POLN: variants seen among roughly 807,000 people sequenced by gnomAD.
The protein encoded by POLN is DNA polymerase nu.
In POLN, 108 loss-of-function variants were observed where a neutral mutation model predicts 113.5. The ratio of observed to expected loss-of-function variants is 0.95; its 90% confidence interval spans 0.81 to 1.12. The LOEUF (loss-of-function observed/expected upper bound fraction) is 1.12, where lower values mean the gene tolerates loss of function less well. POLN is among the 50% of genes most tolerant of loss of function. The pLI is 0.00. For missense variants in POLN, 1,097 were observed against 1,077.1 expected, an observed-to-expected ratio of 1.02 and a Z score of -0.26; for synonymous variants, 386 against 391.5, an observed-to-expected ratio of 0.99 and a Z score of 0.17.
chr4:2,195,032 A>G (rs1355711457), intron 6 of POLN, among the ~76,000 whole-genome samples: 1 of 152,182 alleles, frequency 6.6e-6, no homozygotes, highest in African/African-American at 2.4e-5. Flanking sequence ...ACGTACAGAG[A>G]GAATGTGAAG....
rs561212060 is a variant in POLN at position 2,151,166 on chromosome 4, G to A, written c.1731+5622C>T. ...TTAAAATACGCAGAAGGTATGACTA[G>A]GTGCTTCACTGAAAAAGAAAAATGA... On this transcript the variant is annotated intron_variant, in intron 16 of 25. Coordinates refer to ENST00000511885, the MANE Select transcript of POLN (RefSeq NM_181808.4). Among the ~76,000 whole-genome samples, 5 of 152,286 alleles carry A rather than the reference G, an allele frequency of 3.3e-5. No homozygotes were observed. The East Asian group carries it at 9.6e-4, about 29-fold the overall frequency.
intron 13 of POLN, among the ~76,000 whole-genome samples, chr4:2,167,757 G>A (rs557504574): frequency 1.3e-5 from 2 of 152,142 alleles, no homozygotes; most frequent in African/African-American, 4.8e-5. Context: ...AAATTAGCTG[G>A]GTGTGGTGGC....
chr4:2,159,361 T>C (rs2108741423), intron 13 of POLN, 150 bp from the exon 14 acceptor site: 4 of 672,720 alleles, frequency 5.9e-6, no homozygotes, highest in Non-Finnish European at 1.0e-5. Flanking sequence ...GTTTATCAAG[T>C]GTCTTAATCC....
At chr4:2,099,183 T>G (rs1730866636) in intron 19 of POLN, among the ~76,000 whole-genome samples, 1 of 152,238 alleles carries the variant, frequency 6.6e-6, no homozygotes, top group South Asian at 2.1e-4. Flanking sequence ...ACCCTGTTCT[T>G]AAGAAGACAA....
chr4:2,232,008 T>TAAA, intron 2 of POLN: 1 of 1,507,596 alleles, frequency 6.6e-7, no homozygotes, highest in Non-Finnish European at 9.2e-7. Flanking sequence ...CTTCATCTTT[T>TAAA]AAAAAATATA....
intron 3 of POLN, among the ~76,000 whole-genome samples, chr4:2,222,826 T>G (rs1450922949): frequency 6.6e-6 from 1 of 151,418 alleles, no homozygotes; most frequent in Non-Finnish European, 1.5e-5. Context: ...CTGCTCCCAC[T>G]AGTAAGCCAG....
intron 20 of POLN, chr4:2,088,636 T>C (rs1730601073): frequency 1.5e-6 from 1 of 652,572 alleles, no homozygotes; most frequent in Non-Finnish European, 2.2e-6. Context: ...TTGAATCCCA[T>C]AATATAAAGT....
chr4:2,096,113 C>T (rs1363947711), intron 19 of POLN, among the ~76,000 whole-genome samples, 180 bp from the exon 20 acceptor site: 1 of 152,208 alleles, frequency 6.6e-6, no homozygotes, highest in Non-Finnish European at 1.5e-5. Flanking sequence ...GCAAGGGCCC[C>T]AGGCAGATGC....
At chr4:2,208,584 T>C (rs184254915) in intron 4 of POLN, 97 bp from the exon 5 acceptor site, 4 of 986,774 alleles carry the variant, frequency 4.1e-6, no homozygotes, top group East Asian at 5.3e-5. Context: ...TAAGGTAATA[T>C]GGAGACACAA....
intron 20 of POLN, among the ~76,000 whole-genome samples, chr4:2,094,699 C>CT (rs1336246765): frequency 6.6e-6 from 1 of 152,104 alleles, no homozygotes; most frequent in Non-Finnish European, 1.5e-5. Flanking sequence ...GTGCAAAGCT[C>CT]TGAGGTTGGA....
chr4:2,133,010 T>A (rs894591091), intron 16 of POLN, among the ~76,000 whole-genome samples: 1 of 152,128 alleles, frequency 6.6e-6, no homozygotes, highest in South Asian at 2.1e-4. Flanking sequence ...ATATGAAATA[T>A]AAAAATAGCT....
intron 19 of POLN, among the ~76,000 whole-genome samples, chr4:2,124,356 A>G (rs1731524737): frequency 6.6e-6 from 1 of 152,100 alleles, no homozygotes; most frequent in Admixed American, 6.5e-5. Context: ...TGCAGCCTCA[A>G]CCTGGGCTCA....
At chr4:2,139,886 A>G (rs1311555779) in intron 16 of POLN, 2 of 34,446 alleles carry the variant, frequency 5.8e-5, no homozygotes, top group Non-Finnish European at 2.4e-4. Flanking sequence ...TCAGGAAAGA[A>G]AGGCAGAGCT....
intron 19 of POLN, 47 bp from the exon 20 acceptor site, chr4:2,095,980 C>T: frequency 6.6e-7 from 1 of 1,515,900 alleles, no homozygotes; most frequent in Non-Finnish European, 9.2e-7. Flanking sequence ...AAGGCACTGT[C>T]AGTGCAGGGC....
At position 2,078,510 on chromosome 4, in the gene POLN, G is replaced by A. The variant is rs149962435; in HGVS notation, c.2387+2448C>T. 3.9e-4 allele frequency: 292 copies of A among 753,458 alleles called. 1 individual carries two copies. In the African/African-American group the frequency reaches 4.9e-3, roughly 13 times the overall value. 46.7% of individuals were successfully genotyped at this position (753,458 alleles called of 1,614,324 possible). Reference sequence around the variant, plus strand: ...TTTTGTTAGACAGACTCTCGCTCTCGCCCAGGCTGGAGTGAAGTGGTGCGA... The same window carrying A: ...TTTTGTTAGACAGACTCTCGCTCTCACCCAGGCTGGAGTGAAGTGGTGCGA... On this transcript the variant is annotated intron_variant, in intron 23 of 25. Coordinates refer to ENST00000511885, the MANE Select transcript of POLN (RefSeq NM_181808.4).
At position 2,113,839 on chromosome 4, in the gene POLN, C is replaced by T. The variant is rs1026043765; in HGVS notation, c.1982+14274G>A. Among the ~76,000 whole-genome samples the T allele has an allele frequency of 2.0e-5, 3 of 148,826 alleles. No homozygotes were observed. In the Admixed American group the frequency reaches 2.0e-4, roughly 10 times the overall value. On this transcript the variant is annotated intron_variant, in intron 19 of 25. Coordinates refer to ENST00000511885, the MANE Select transcript of POLN (RefSeq NM_181808.4). ...TGCCTTTGCGTGCTGGCCTGGGTGA[C>T]AGAGCAAGACTCCATTTCAAAATAA...
intron 21 of POLN, among the ~76,000 whole-genome samples, chr4:2,085,364 A>C (rs1730520976): frequency 6.6e-6 from 1 of 152,010 alleles, no homozygotes; most frequent in African/African-American, 2.4e-5. Flanking sequence ...ATCTGTTTTT[A>C]CCTATCTGCC....
At chr4:2,120,967 T>G (rs886273569) in intron 19 of POLN, among the ~76,000 whole-genome samples, 4 of 152,240 alleles carry the variant, frequency 2.6e-5, no homozygotes, top group South Asian at 2.1e-4. Context: ...GTCTGTTCCT[T>G]GGGATTTTGC....
At chr4:2,196,894 T>C (rs961691420) in intron 6 of POLN, among the ~76,000 whole-genome samples, 1 of 152,112 alleles carries the variant, frequency 6.6e-6, no homozygotes, top group Non-Finnish European at 1.5e-5. Flanking sequence ...TTTGGGAGAA[T>C]GCTGCAGGGA....
Sources: gnomAD v4.1 joint callset for allele counts (sites outside exome capture counted in the v4.1 genomes callset) on GRCh38, gnomAD v4.1.1 for gene constraint, MANE v1.5 for transcripts, NCBI Gene and HGNC (gene_info 2026-07-23, HGNC 2026-07-21) for gene names.